MSX1: variants seen among roughly 807,000 people sequenced by gnomAD.
The protein encoded by MSX1 is homeobox protein MSX-1.
In MSX1, 11 loss-of-function variants were observed where a neutral mutation model predicts 17.0. The observed-to-expected ratio is 0.65, with a 90% CI of 0.41 to 1.07. The LOEUF (loss-of-function observed/expected upper bound fraction) is 1.07. MSX1 is among the 50% of genes least tolerant of loss of function. The pLI is 0.00. For missense variants in MSX1, 477 were observed against 440.1 expected (o/e 1.08, Z -0.75); for synonymous variants, 253 against 211.8 (o/e 1.19, Z -1.69).
At position 4,859,881 on chromosome 4, in the gene MSX1, AG is replaced by A. The variant is rs754438030; in HGVS notation, c.-12del. On this transcript the variant is annotated 5_prime_UTR_variant, in exon 1 of 2. Transcript: ENST00000382723. ...GGCGGCTGGCCAGTGCTGCGGCAGA[AG>A]GGGGGGCCCGGCTCTGCATGGCCCC... 35 of 1,472,154 alleles carry A rather than the reference AG, an allele frequency of 2.4e-5. No individual in the cohort carries two copies. Among genetic ancestry groups the A allele is most frequent in the Admixed American group, 1.9e-4 (8 of 41,034 alleles). 91.2% of individuals were successfully genotyped at this position (1,472,154 alleles called of 1,614,324 possible).
rs1449171008 is a variant in MSX1, at chr4:4,860,383, C to T, written c.469+15C>T. On this transcript the variant is annotated intron_variant, in intron 1 of 1. Coordinates refer to ENST00000382723, the MANE Select transcript of MSX1 (RefSeq NM_002448.3). ...GCCGCCGGCCAGTGAGTAGCCAGAA[C>T]CCAGGCGCAGAGGGAGGGGGCCGGG... The T allele has an allele frequency of 1.9e-6, 3 of 1,599,608 alleles. No individual in the cohort carries two copies. The highest frequency in any genetic ancestry group is 2.2e-5 in the South Asian group (2 of 90,322).
rs33962425 is a variant in MSX1, at chr4:4,863,770, T to TA, written c.*642dup. 0.42 allele frequency: 61,337 copies of TA among 144,620 alleles called. 13,779 individuals are homozygous for TA. Among genetic ancestry groups the TA allele is most frequent in the East Asian group, 0.61 (3,009 of 4,918 alleles). The allele number at this position is 144,620 out of a possible 1,614,324, so 9.0% of individuals were successfully genotyped here. A position where few individuals can be genotyped will look rare whatever the true frequency, so the allele number is the denominator to read the frequency against. Reference sequence around the variant, plus strand: ...AGTACCAGAAACACAATTGTAAAATTAAAAAAAAAAAAAAACTCTTTCTAT... The same window carrying TA: ...AGTACCAGAAACACAATTGTAAAATTAAAAAAAAAAAAAAAACTCTTTCTAT... On this transcript the variant is annotated 3_prime_UTR_variant, in exon 2 of 2. Transcript: ENST00000382723.
At chr4:4,862,224 C>A (rs1320311387) in intron 1 of MSX1, among the ~76,000 whole-genome samples, 1 of 152,246 alleles carries the variant, frequency 6.6e-6, no homozygotes, top group Non-Finnish European at 1.5e-5. Context: ...CTGAAGCACT[C>A]CGTGGGCACT....
chr4:4,862,558 G>T (rs772056439), intron 1 of MSX1, 143 bp from the exon 2 acceptor site: 1 of 969,160 alleles, frequency 1.0e-6, no homozygotes, highest in East Asian at 2.4e-5. Flanking sequence ...TATATTTCAA[G>T]TGCCTTGCGC....
At chr4:4,861,234 C>T (rs1737909233) in intron 1 of MSX1, among the ~76,000 whole-genome samples, 1 of 152,252 alleles carries the variant, frequency 6.6e-6, no homozygotes, top group East Asian at 1.9e-4. Flanking sequence ...TTTGAAAGGC[C>T]AGTCCCTCCC....
chr4:4,860,416 C>T (rs1268937324), intron 1 of MSX1, 48 bp downstream of exon 1: 3 of 436,778 alleles, frequency 6.9e-6, no homozygotes, highest in Non-Finnish European at 6.7e-6. Flanking sequence ...GGGTGGGGGC[C>T]GGGTGGGGTG....
Position 4,860,289 on chromosome 4 carries a change from G to T in MSX1, c.390G>T (p.Ala130=), listed in dbSNP as rs553904309. The stretch of plus-strand genomic sequence containing the variant: ...GACTCCTCAAGCTGCCAGAAGATGC[G>T]CTCGTCAAAGCCGAGAGCCCCGAGA... ...VGGLLKLPED[A]LVKAESPEKP... is the part of the protein sequence containing the mutation. The change falls in exon 1 of 2, where the codon GCG becomes GCT. Residue 130 remains alanine (A), a synonymous_variant. Transcript: ENST00000382723. 2.2e-5 allele frequency: 35 copies of T among 1,600,606 alleles called. No individual in the cohort carries two copies. In the African/African-American group the frequency reaches 2.5e-4, roughly 12 times the overall value.
chr4:4,862,423 A>G (rs140109214), intron 1 of MSX1: 20 of 642,032 alleles, frequency 3.1e-5, no homozygotes, highest in Admixed American at 6.6e-5. Flanking sequence ...CCAGCTGTTT[A>G]GGCCTAAGAT....
chr4:4,862,399 G>T (rs1473907719), intron 1 of MSX1: 1 of 587,284 alleles, frequency 1.7e-6, no homozygotes, highest in Admixed American at 2.4e-5. Flanking sequence ...GCACAAAGGT[G>T]ATTTCACATC....
chr4:4,860,054 C>T lies in MSX1; in HGVS notation c.155C>T (p.Pro52Leu). 1 of 1,518,366 alleles carries T rather than the reference C, an allele frequency of 6.6e-7. No homozygotes were observed. The allele number at this position is 1,518,366 out of a possible 1,614,324, so 94.1% of individuals were successfully genotyped here. A position where few individuals can be genotyped will look rare whatever the true frequency, so the allele number is the denominator to read the frequency against. The change falls in exon 1 of 2, where the codon CCC becomes CTC. Residue 52 changes from proline to leucine, a missense_variant. This residue lies in a region of MSX1 where 355 missense variants were observed against 306.1 expected (regional missense o/e 1.16). Transcript: ENST00000382723. Reference protein sequence around the residue: ...AMGADEEGAKPKVSPSLLPFS... With the variant: ...AMGADEEGAKLKVSPSLLPFS... ...GGCGCGGACGAGGAGGGGGCCAAGC[C>T]CAAAGTGTCCCCTTCGCTCCTGCCC...
rs144660633 is a variant in MSX1, at chr4:4,862,762, G to A, written c.531G>A (p.Thr177=). Residue 177 remains threonine (T), a synonymous_variant, in exon 2 of 2, where the codon ACG becomes ACA. Coordinates refer to ENST00000382723, the MANE Select transcript of MSX1 (RefSeq NM_002448.3). ...ACAAGACGAACCGTAAGCCGCGGAC[G>A]CCCTTCACCACCGCGCAGCTGCTGG... is the stretch of plus-strand genomic sequence containing the variant. The part of the protein sequence containing the change: ...RKHKTNRKPR[T]PFTTAQLLAL... The A allele has an allele frequency of 2.5e-5, 40 of 1,613,350 alleles. No individual in the cohort carries two copies. In the African/African-American group the frequency reaches 4.8e-4, roughly 19 times the overall value.
chr4:4,862,027 G>A (rs142534880), intron 1 of MSX1, among the ~76,000 whole-genome samples: 24 of 152,246 alleles, frequency 1.6e-4, no homozygotes, highest in Middle Eastern at 3.4e-3. Context: ...GCAGCCCCTC[G>A]TTCTCCGCTC....
At position 4,860,099 on chromosome 4, in the gene MSX1, T is replaced by G; in HGVS notation, c.200T>G (p.Met67Arg). ...SLLPFSVEAL[M>R]ADHRKPGAKE... ...CTGCCCTTCAGCGTGGAGGCGCTCA[T>G]GGCCGACCACAGGAAGCCGGGGGCC... is the stretch of plus-strand genomic sequence containing the variant. Residue 67 changes from methionine to arginine, a missense_variant, in exon 1 of 2, where the codon ATG becomes AGG. Physicochemically the swap from Met to Arg is moderately conservative, Grantham distance 91. Coordinates refer to ENST00000382723, the MANE Select transcript of MSX1 (RefSeq NM_002448.3). The G allele has an allele frequency of 2.0e-6, 3 of 1,519,238 alleles. No homozygotes were observed. The highest frequency in any genetic ancestry group is 2.6e-6 in the Non-Finnish European group (3 of 1,136,894). The allele number at this position is 1,519,238 out of a possible 1,614,324, so 94.1% of individuals were successfully genotyped here.
intron 1 of MSX1, 122 bp downstream of exon 1, chr4:4,860,490 G>T: frequency 7.8e-7 from 1 of 1,277,386 alleles, no homozygotes; most frequent in South Asian, 1.3e-5. Flanking sequence ...CTAGGGAGCC[G>T]TGGGCTGCAA....
Position 4,859,792 on chromosome 4 carries a change from C to G in MSX1, c.-108C>G. The stretch of plus-strand genomic sequence containing the variant: ...GGAGGCGCGCGCGGGAGGGTCCGCC[C>G]GGCCAGGGCCCCGGGCGCTCGCAGA... On this transcript the variant is annotated 5_prime_UTR_variant, in exon 1 of 2. Coordinates refer to ENST00000382723, the MANE Select transcript of MSX1 (RefSeq NM_002448.3). The G allele has an allele frequency of 1.0e-6, 1 of 970,690 alleles. No individual in the cohort carries two copies. The highest frequency in any genetic ancestry group is 1.3e-6 in the Non-Finnish European group (1 of 758,992). The allele number at this position is 970,690 out of a possible 1,614,324, so 60.1% of individuals were successfully genotyped here.
At chr4:4,861,281 G>T (rs866548511) in intron 1 of MSX1, among the ~76,000 whole-genome samples, 1 of 152,278 alleles carries the variant, frequency 6.6e-6, no homozygotes, top group East Asian at 1.9e-4. Context: ...CCCGCTCTGG[G>T]TTGTCGCCGC....
Position 4,863,203 on chromosome 4 carries a change from C to G in MSX1, c.*60C>G, listed in dbSNP as rs893448084. On this transcript the variant is annotated 3_prime_UTR_variant, in exon 2 of 2. Coordinates refer to ENST00000382723, the MANE Select transcript of MSX1 (RefSeq NM_002448.3). ...TTCCTCCAGCCCTGGTGCTGTACCCCCGACGTGCTCCCCTGCTCGGCACCG... is the reference window on the plus strand; with the variant it reads ...TTCCTCCAGCCCTGGTGCTGTACCCGCGACGTGCTCCCCTGCTCGGCACCG... 1.4e-5 allele frequency: 21 copies of G among 1,514,318 alleles called. No homozygotes were observed. The highest frequency in any genetic ancestry group is 2.3e-4 in the Middle Eastern group (1 of 4,414). 93.8% of individuals were successfully genotyped at this position (1,514,318 alleles called of 1,614,324 possible).
chr4:4,859,754 C>A lies in MSX1; in HGVS notation c.-146C>A. 2.2e-6 allele frequency: 1 copy of A among 459,618 alleles called. No individual in the cohort carries two copies. Among genetic ancestry groups the A allele is most frequent in the Non-Finnish European group, 3.1e-6 (1 of 320,924 alleles). The allele number at this position is 459,618 out of a possible 1,614,324, so 28.5% of individuals were successfully genotyped here. On this transcript the variant is annotated 5_prime_UTR_variant, in exon 1 of 2. The change creates a new upstream start codon in the 5' untranslated region. Coordinates refer to ENST00000382723, the MANE Select transcript of MSX1 (RefSeq NM_002448.3). ...GGCCCAGCACGCCGGAGCTGGCCTG[C>A]TGGGGAGGGGCGGGAGGCGCGCGCG...
chr4:4,863,355 T>TACCACCG lies in MSX1; in HGVS notation c.*213_*214insCCACCGA. 1 of 348,594 alleles carries TACCACCG rather than the reference T, an allele frequency of 2.9e-6. No individual in the cohort carries two copies. The highest frequency in any genetic ancestry group is 4.9e-6 in the Non-Finnish European group (1 of 202,264). 21.6% of individuals were successfully genotyped at this position (348,594 alleles called of 1,614,324 possible). ...AGTCCCTTAGTACTCTTCTAGCATT[T>TACCACCG]AGATCTACACTCTCGAGTTAAAGAT... On this transcript the variant is annotated 3_prime_UTR_variant, in exon 2 of 2. Coordinates refer to ENST00000382723, the MANE Select transcript of MSX1 (RefSeq NM_002448.3).
Sources: gnomAD v4.1 joint callset for allele counts (sites outside exome capture counted in the v4.1 genomes callset) on GRCh38, gnomAD v4.1.1 for gene constraint, gnomAD v4.1.1 regional missense constraint, MANE v1.5 for transcripts, NCBI Gene and HGNC (gene_info 2026-07-23, HGNC 2026-07-21) for gene names.